COL6A6: variants seen among roughly 807,000 people sequenced by gnomAD.
COL6A6 encodes the protein collagen type VI alpha 6 chain.
Under a neutral mutation model 208.6 loss-of-function variants are expected in COL6A6, and 183 were observed. That is an observed-to-expected ratio of 0.88 (90% CI 0.78 to 0.99). The LOEUF (loss-of-function observed/expected upper bound fraction) is 0.99, where lower values mean the gene tolerates loss of function less well. Among genes scored for constraint, COL6A6 ranks in the 50% least tolerant of loss-of-function variants. The pLI is 0.00. For synonymous variants in COL6A6, 973 were observed against 1,011.8 expected (o/e 0.96, Z 0.73); for missense variants, 2,816 against 2,815.2 (o/e 1.00, Z -0.01).
chr3:130,669,013 A>G (rs2108485956), intron 36 of COL6A6, among the ~76,000 whole-genome samples: 1 of 152,348 alleles, frequency 6.6e-6, no homozygotes, highest in South Asian at 2.1e-4. Context: ...TGCAACTTCT[A>G]ACTTATAAAG....
chr3:130,567,674 G>T lies in COL6A6; in HGVS notation c.1844-373G>T, dbSNP rs535784693. On this transcript the variant is annotated intron_variant, in intron 5 of 36. Transcript: ENST00000358511. Reference sequence around the variant, plus strand: ...CAGGAGTGATTTTGCACCCTTAGAGGTTATTTGTCAACGCCTAGAGACATT... The same window carrying T: ...CAGGAGTGATTTTGCACCCTTAGAGTTTATTTGTCAACGCCTAGAGACATT... 1.4e-4 allele frequency among the ~76,000 whole-genome samples: 22 copies of T among 152,272 alleles called. 1 individual carries two copies. The South Asian group carries it at 4.1e-3, about 29-fold the overall frequency.
intron 1 of COL6A6, among the ~76,000 whole-genome samples, chr3:130,544,716 T>TA (rs1418123025): frequency 6.6e-6 from 1 of 152,218 alleles, no homozygotes; most frequent in Non-Finnish European, 1.5e-5. Context: ...ATCTTTCTTA[T>TA]AATAGCTATC....
In COL6A6 at chr3:130,675,874, T is replaced by G. The variant is rs530191979; in HGVS notation, c.*477T>G. On this transcript the variant is annotated 3_prime_UTR_variant, in exon 37 of 37. Transcript: ENST00000358511. ...AATGGATGCTGTTTATATGTCGTAT[T>G]TTTTTAAAACGTGACCTTCTATTCC... The G allele has an allele frequency of 3.9e-5, 6 of 152,542 alleles. No homozygotes were observed. The highest frequency in any genetic ancestry group is 1.4e-4 in the African/African-American group (6 of 41,580). 9.4% of individuals were successfully genotyped at this position (152,542 alleles called of 1,614,324 possible).
At chr3:130,577,153 T>C (rs1051876067) in intron 8 of COL6A6, among the ~76,000 whole-genome samples, 21 of 152,214 alleles carry the variant, frequency 1.4e-4, no homozygotes, top group African/African-American at 7.2e-5. Flanking sequence ...AAATGTACTA[T>C]CTCACTCAAT....
chr3:130,592,749 C>T (rs1348978585), intron 15 of COL6A6, 27 bp downstream of exon 15: 1 of 1,577,274 alleles, frequency 6.3e-7, no homozygotes, highest in South Asian at 1.1e-5. Context: ...ATCCATTTAC[C>T]TACCCATATG....
Position 130,576,843 on chromosome 3 carries a change from C to T in COL6A6, c.3547+2318C>T, listed in dbSNP as rs560936383. ...TGCCAGTTCTTTTTAAACTATAAAT[C>T]CCAAAACAAGGAAATCAGACAGTAG... On this transcript the variant is annotated intron_variant, in intron 8 of 36. Transcript: ENST00000358511. Among the ~76,000 whole-genome samples, 45 of 152,224 alleles carry T rather than the reference C, an allele frequency of 3.0e-4. No individual in the cohort carries two copies. In the South Asian group the frequency reaches 8.9e-3, roughly 30 times the overall value.
chr3:130,611,038 T>A lies in COL6A6; in HGVS notation c.4815+327T>A, dbSNP rs1258790453. On this transcript the variant is annotated intron_variant, in intron 23 of 36. Transcript: ENST00000358511. ...CCCAGAATACAGCCTACTTTAGTAG[T>A]CCTCAAACTGGCTAAATATGATAAT... Among the ~76,000 whole-genome samples, 3 of 152,250 alleles carry A rather than the reference T, an allele frequency of 2.0e-5. No individual in the cohort carries two copies. In the East Asian group the frequency reaches 5.8e-4, roughly 29 times the overall value.
In COL6A6 at chr3:130,574,186, A is replaced by G. The variant is rs1210682614; in HGVS notation, c.3208A>G (p.Ile1070Val). ...EKEISFQIENIKQIFGNTHIG... is the reference protein window; with the variant it reads ...EKEISFQIENVKQIFGNTHIG... The stretch of plus-strand genomic sequence containing the variant: ...AGAGATATCATTTCAGATTGAAAAC[A>G]TCAAGCAGATCTTTGGAAACACACA... Residue 1070 changes from isoleucine to valine, a missense_variant, in exon 8 of 37, where the codon ATC (isoleucine) becomes GTC (valine). Physicochemically the swap from Ile to Val is conservative, Grantham distance 29. Transcript: ENST00000358511. 1 of 1,613,914 alleles carries G rather than the reference A, an allele frequency of 6.2e-7. No individual in the cohort carries two copies. The highest frequency in any genetic ancestry group is 1.3e-5 in the African/African-American group (1 of 74,936).
chr3:130,528,964 C>T (rs2062022087), intron 1 of COL6A6, among the ~76,000 whole-genome samples: 1 of 152,076 alleles, frequency 6.6e-6, no homozygotes, highest in Admixed American at 6.5e-5. Flanking sequence ...GTGGTGGACA[C>T]CTGTAGTCCC....
chr3:130,543,274 T>C (rs560961503), intron 1 of COL6A6, among the ~76,000 whole-genome samples: 1 of 152,230 alleles, frequency 6.6e-6, no homozygotes, highest in African/African-American at 2.4e-5. Context: ...TAGTGAGATT[T>C]TGTTTTTTGA....
At chr3:130,553,831 G>C (rs1442595471) in intron 1 of COL6A6, among the ~76,000 whole-genome samples, 1 of 138,320 alleles carries the variant, frequency 7.2e-6, no homozygotes, top group African/African-American at 2.5e-5. Flanking sequence ...GGGTGTTGCG[G>C]TGGGTTTTTT....
Position 130,658,688 on chromosome 3 carries a change from G to A in COL6A6, c.5746G>A (p.Gly1916Ser), listed in dbSNP as rs1055344720. 1.2e-6 allele frequency: 2 copies of A among 1,612,098 alleles called. No homozygotes were observed. Among genetic ancestry groups the A allele is most frequent in the Non-Finnish European group, 1.7e-6 (2 of 1,178,872 alleles). The change falls in exon 34 of 37, where the codon GGC (glycine) becomes AGC (serine). Residue 1916 changes from glycine (G) to serine (S), a missense_variant. Transcript: ENST00000358511. ...CTGCTTCTTTTAGATTGACGACACT[G>A]GCACATTTCAAGTAATAGTGGTTCC... Reference protein sequence around the residue: ...VRRAFAIDDTGTFQVIVVPSG... With the variant: ...VRRAFAIDDTSTFQVIVVPSG...
At chr3:130,674,670 T>C (rs2108504153) in intron 36 of COL6A6, among the ~76,000 whole-genome samples, 1 of 152,360 alleles carries the variant, frequency 6.6e-6, no homozygotes, top group Non-Finnish European at 1.5e-5. Flanking sequence ...GTGACTGCTA[T>C]GTGTTAAGCA....
intron 7 of COL6A6, among the ~76,000 whole-genome samples, chr3:130,573,096 A>C (rs951412564): frequency 1.3e-5 from 2 of 152,238 alleles, no homozygotes; most frequent in African/African-American, 4.8e-5. Flanking sequence ...AGGGGCTGAT[A>C]AAAAGGAAAA....
At chr3:130,569,218 A>AT (rs2063102930) in intron 6 of COL6A6, among the ~76,000 whole-genome samples, 1 of 152,226 alleles carries the variant, frequency 6.6e-6, no homozygotes, top group Non-Finnish European at 1.5e-5. Flanking sequence ...CTAAAGACCA[A>AT]TACTTGTATC....
At chr3:130,533,525 C>T (rs2062155268) in intron 1 of COL6A6, among the ~76,000 whole-genome samples, 1 of 152,152 alleles carries the variant, frequency 6.6e-6, no homozygotes, top group South Asian at 2.1e-4. Context: ...ATTCCTTACC[C>T]AGATTTAACA....
chr3:130,592,607 C>T lies in COL6A6; in HGVS notation c.4339C>T (p.Pro1447Ser). 1 of 1,613,366 alleles carries T rather than the reference C, an allele frequency of 6.2e-7. No individual in the cohort carries two copies. Among genetic ancestry groups the T allele is most frequent in the South Asian group, 1.1e-5 (1 of 91,030 alleles). Residue 1447 changes from proline (P) to serine (S), a missense_variant, in exon 14 of 37, where the codon CCT (proline) becomes TCT (serine). By Grantham distance (74) the Pro-to-Ser change is moderately conservative. Coordinates refer to ENST00000358511, the MANE Select transcript of COL6A6 (RefSeq NM_001102608.3). ...TAAGGGATGCTATGGCACCAAAGGT[C>T]CTAAGGTAAGGATTGCATAAGAGTG... Reference protein sequence around the residue: ...GTKGCYGTKGPKGNRGLNGQE... With the variant: ...GTKGCYGTKGSKGNRGLNGQE...
intron 27 of COL6A6, 118 bp downstream of exon 27, chr3:130,634,743 GAGA>G: frequency 1.0e-5 from 7 of 698,886 alleles, no homozygotes; most frequent in Non-Finnish European, 1.4e-5. Context: ...CCTTTGTGCG[GAGA>G]AGGAGGGAAG....
chr3:130,535,875 C>T (rs2062212399), intron 1 of COL6A6, among the ~76,000 whole-genome samples: 1 of 152,150 alleles, frequency 6.6e-6, no homozygotes, highest in South Asian at 2.1e-4. Context: ...TGCTTAGGTT[C>T]AAATCCCATT....
Sources: allele counts gnomAD v4.1 joint callset (sites outside exome capture counted in the v4.1 genomes callset), GRCh38; gene constraint gnomAD v4.1.1; transcripts MANE v1.5; gene names NCBI Gene and HGNC (gene_info 2026-07-23, HGNC 2026-07-21).